Variants in SRP19 observed in about 807,000 individuals in gnomAD.
SRP19 encodes the protein signal recognition particle 19.
Under a neutral mutation model 22.4 loss-of-function variants are expected in SRP19, and 11 were observed. The observed-to-expected ratio is 0.49, with a 90% confidence interval of 0.31 to 0.81. SRP19 has a LOEUF of 0.81. Among genes scored for constraint, SRP19 ranks in the 40% least tolerant of loss-of-function variants. The pLI, the probability that SRP19 is intolerant of heterozygous loss-of-function variation, is 0.05. For synonymous variants in SRP19, 61 were observed against 57.6 expected, an observed-to-expected ratio of 1.06 and a Z score of -0.27; for missense variants, 168 against 175.9, an observed-to-expected ratio of 0.96 and a Z score of 0.25.
chr5:112,867,249 G>C, intron 4 of SRP19, 155 bp from the exon 5 acceptor site: 1 of 763,988 alleles, frequency 1.3e-6, no homozygotes, highest in East Asian at 2.7e-5. Context: ...ACTTGAGCTA[G>C]TCAGTGTCTT....
intron 4 of SRP19, among the ~76,000 whole-genome samples, chr5:112,883,728 C>G (rs1454680357): frequency 6.6e-6 from 1 of 152,192 alleles, no homozygotes; most frequent in Non-Finnish European, 1.5e-5. Context: ...TTGTAGGTAT[C>G]TAACAAACAG....
intron 4 of SRP19, chr5:112,887,237 T>G: frequency 6.8e-7 from 1 of 1,460,956 alleles, no homozygotes; most frequent in Non-Finnish European, 9.2e-7. Flanking sequence ...GGGCACATTC[T>G]GAGAATACAC....
chr5:112,862,340 G>C (rs1233562731), intron 1 of SRP19, 168 bp from the exon 2 acceptor site: 4 of 684,000 alleles, frequency 5.8e-6, no homozygotes, highest in Middle Eastern at 3.4e-4. Flanking sequence ...GGACCACTCC[G>C]AGGTACTTTG....
exon 5 of SRP19, chr5:112,892,885 A>T (rs1768529923): frequency 1.9e-6 from 3 of 1,612,488 alleles, no homozygotes; most frequent in Non-Finnish European, 2.5e-6. Flanking sequence ...TCACAAACGC[A>T]CATCAAAGAG....
chr5:112,862,390 G>C (rs1320949056), intron 1 of SRP19, 118 bp from the exon 2 acceptor site: 8 of 835,820 alleles, frequency 9.6e-6, no homozygotes, highest in Non-Finnish European at 2.0e-6. Context: ...GGGTTGAAAA[G>C]GGAGTACCCA....
chr5:112,863,117 A>G (rs1013438106), intron 2 of SRP19, among the ~76,000 whole-genome samples: 4 of 152,234 alleles, frequency 2.6e-5, no homozygotes, highest in African/African-American at 4.8e-5. Flanking sequence ...AGAAAACACT[A>G]CAAGCATCCA....
intron 4 of SRP19, among the ~76,000 whole-genome samples, chr5:112,889,442 A>T (rs983492178): frequency 1.3e-5 from 2 of 150,910 alleles, no homozygotes; most frequent in African/African-American, 4.9e-5. Flanking sequence ...AGGCAAAATA[A>T]GTAAATAGGA....
intron 4 of SRP19, among the ~76,000 whole-genome samples, chr5:112,889,793 G>A (rs886925169): frequency 9.4e-5 from 14 of 148,592 alleles, no homozygotes; most frequent in Non-Finnish European, 1.9e-4. Flanking sequence ...ACTAGCCTGT[G>A]TAACATAGGG....
At chr5:112,883,651 T>A (rs2150034850) in intron 4 of SRP19, among the ~76,000 whole-genome samples, 1 of 152,318 alleles carries the variant, frequency 6.6e-6, no homozygotes, top group East Asian at 1.9e-4. Context: ...CCCAAATTTA[T>A]ATCTCCAGTC....
At chr5:112,870,235 G>A (rs932516417), downstream of SRP19, among the ~76,000 whole-genome samples, 11 of 152,042 alleles carry the variant, frequency 7.2e-5, no homozygotes, top group African/African-American at 1.9e-4. Context: ...ACCTATAATC[G>A]CGGCACATTG....
Position 112,864,495 on chromosome 5 carries a change from A to G in SRP19, c.156A>G (p.Val52=). 1.9e-6 allele frequency: 3 copies of G among 1,613,986 alleles called. No homozygotes were observed. Among genetic ancestry groups the G allele is most frequent in the Non-Finnish European group, 2.5e-6 (3 of 1,180,004 alleles). ...CTACAGCTACAGAGATTCAAGATGT[A>G]TGTTCAGCAGTTGGACTTAACGTAT... ...ENPTATEIQD[V]CSAVGLNVFL... is the part of the protein sequence containing the mutation. The change falls in exon 3 of 5, where the codon GTA becomes GTG. Residue 52 remains valine, a synonymous_variant. Transcript: ENST00000505459.
intron 4 of SRP19, among the ~76,000 whole-genome samples, chr5:112,889,778 T>A (rs1251870180): frequency 6.7e-6 from 1 of 150,204 alleles, no homozygotes; most frequent in Non-Finnish European, 1.5e-5. Context: ...CCCAAGAGTT[T>A]TGAGACTAGC....
downstream of SRP19, among the ~76,000 whole-genome samples, chr5:112,874,529 T>C (rs1436452344): frequency 2.0e-5 from 3 of 152,150 alleles, no homozygotes; most frequent in Non-Finnish European, 4.4e-5. Flanking sequence ...GAAAAGGTCC[T>C]CAGATGATTC....
intron 1 of SRP19, 115 bp downstream of exon 1, chr5:112,861,532 G>T: frequency 9.0e-7 from 1 of 1,116,718 alleles, no homozygotes; most frequent in Non-Finnish European, 1.3e-6. Flanking sequence ...GATCCAACTC[G>T]CTCTGTACGG....
At chr5:112,892,252 C>G (rs1318231167) in exon 5 of SRP19, 1 of 1,614,110 alleles carries the variant, frequency 6.2e-7, no homozygotes, top group East Asian at 2.2e-5. Flanking sequence ...TAGTCCTACC[C>G]TTCTTATTAA....
downstream of SRP19, chr5:112,893,700 G>C (rs1403821308): frequency 1.3e-5 from 2 of 152,296 alleles, no homozygotes; most frequent in Admixed American, 1.3e-4. Flanking sequence ...CTACGTGCAT[G>C]AATGTGCAAT....
downstream of SRP19, among the ~76,000 whole-genome samples, chr5:112,872,293 G>A (rs551640136): frequency 1.8e-4 from 27 of 148,194 alleles, no homozygotes; most frequent in African/African-American, 6.2e-4. Context: ...CCAGAATTCA[G>A]ATGTGTTTAA....
At chr5:112,886,494 T>C (rs1345165846) in intron 4 of SRP19, among the ~76,000 whole-genome samples, 3 of 152,232 alleles carry the variant, frequency 2.0e-5, no homozygotes, top group Non-Finnish European at 4.4e-5. Flanking sequence ...TTTAGTTTTC[T>C]TCTGCAAGTG....
intron 4 of SRP19, among the ~76,000 whole-genome samples, chr5:112,880,179 G>A (rs1768026998): frequency 1.3e-5 from 2 of 152,116 alleles, no homozygotes; most frequent in African/African-American, 2.4e-5. Context: ...GAGAGGCTGA[G>A]GTAGGAGTAT....
Sources: allele counts gnomAD v4.1 joint callset (sites outside exome capture counted in the v4.1 genomes callset), GRCh38; gene constraint gnomAD v4.1.1; transcripts MANE v1.5; gene names NCBI Gene and HGNC (gene_info 2026-07-23, HGNC 2026-07-21).